The following IMMP2L variants were observed in gnomAD, a reference collection of about 807,000 sequenced individuals.
The protein encoded by IMMP2L is inner mitochondrial membrane peptidase subunit 2.
IMMP2L carries 18 observed loss-of-function variants against 19.3 expected under a neutral mutation model. The ratio of observed to expected loss-of-function variants is 0.93; its 90% confidence interval spans 0.64 to 1.38. The LOEUF (loss-of-function observed/expected upper bound fraction) is 1.38. IMMP2L is among the 40% of genes most tolerant of loss of function. The probability of loss-of-function intolerance (pLI) is 0.00; values close to 1 mark genes in which losing one functional copy is unlikely to be tolerated. For missense variants in IMMP2L, 233 were observed against 218.2 expected (o/e 1.07, Z -0.43); for synonymous variants, 76 against 73.0 (o/e 1.04, Z -0.21).
intron 5 of IMMP2L, among the ~76,000 whole-genome samples, chr7:110,883,269 C>T (rs902056788): frequency 6.6e-6 from 1 of 151,948 alleles, no homozygotes; most frequent in Non-Finnish European, 1.5e-5. Flanking sequence ...ATTCATTTTC[C>T]ACAGTTGTCT....
Position 110,757,958 on chromosome 7 carries a change from G to A in IMMP2L, c.409-94237C>T, listed in dbSNP as rs1421716105. ...TGGGATTGGGAATTCTTGGGTAGAA[G>A]TAGGAGTGATGTAGTAAATGAGTTC... On this transcript the variant is annotated intron_variant, in intron 5 of 5. Coordinates refer to ENST00000405709, the MANE Select transcript of IMMP2L (RefSeq NM_032549.4). The surrounding 1 kb of genome is among the most constrained non-coding windows in gnomAD (Gnocchi z 4.2). 6.6e-6 allele frequency among the ~76,000 whole-genome samples: 1 copy of A among 152,058 alleles called. No homozygotes were observed. The highest frequency in any genetic ancestry group is 1.5e-5 in the Non-Finnish European group (1 of 67,974).
At chr7:111,206,923 A>G (rs1810772659) in intron 3 of IMMP2L, among the ~76,000 whole-genome samples, 1 of 152,174 alleles carries the variant, frequency 6.6e-6, no homozygotes, top group Non-Finnish European at 1.5e-5. Flanking sequence ...CCCAGCATAC[A>G]TTTCAAATAA....
At chr7:111,410,616 A>G (rs1432597013) in intron 3 of IMMP2L, among the ~76,000 whole-genome samples, 2 of 151,780 alleles carry the variant, frequency 1.3e-5, no homozygotes, top group Non-Finnish European at 2.9e-5. Context: ...ATTAACAAAG[A>G]TAACAAAATT....
intron 5 of IMMP2L, among the ~76,000 whole-genome samples, chr7:110,828,968 G>A (rs569034242): frequency 6.6e-6 from 1 of 152,264 alleles, no homozygotes; most frequent in Admixed American, 6.5e-5. Flanking sequence ...GTAGCATCTT[G>A]AGTCTGTAAA....
intron 5 of IMMP2L, among the ~76,000 whole-genome samples, chr7:110,767,140 T>C (rs978459959): frequency 6.6e-6 from 1 of 152,176 alleles, no homozygotes; most frequent in Non-Finnish European, 1.5e-5. Context: ...CAGTCTGTCA[T>C]ATAATTTATT....
chr7:110,789,248 C>T (rs996522151), intron 5 of IMMP2L, among the ~76,000 whole-genome samples: 14 of 151,718 alleles, frequency 9.2e-5, no homozygotes, highest in Non-Finnish European at 1.5e-5. Context: ...CTGCTGTGTC[C>T]CATTTGAATT....
intron 3 of IMMP2L, among the ~76,000 whole-genome samples, chr7:111,003,892 C>T (rs1823999527): frequency 6.6e-6 from 1 of 152,170 alleles, no homozygotes; most frequent in South Asian, 2.1e-4. Flanking sequence ...TAGGATATTT[C>T]ACTTAAAACA....
At chr7:111,368,593 C>T (rs1057256412) in intron 3 of IMMP2L, among the ~76,000 whole-genome samples, 21 of 151,958 alleles carry the variant, frequency 1.4e-4, no homozygotes, top group African/African-American at 4.6e-4. Flanking sequence ...TCAAGCATAA[C>T]TCTTTAGTCT....
intron 5 of IMMP2L, among the ~76,000 whole-genome samples, chr7:110,705,632 G>A (rs1794614372): frequency 6.6e-6 from 1 of 151,802 alleles, no homozygotes; most frequent in Non-Finnish European, 1.5e-5. Flanking sequence ...TTCTTACATG[G>A]GTGTATTGCA....
intron 3 of IMMP2L, among the ~76,000 whole-genome samples, chr7:111,214,832 A>C (rs1457197569): frequency 6.6e-6 from 1 of 152,102 alleles, no homozygotes; most frequent in Admixed American, 6.5e-5. Flanking sequence ...GAACATTCAA[A>C]ATACAGCCAC....
chr7:111,502,421 A>C (rs1019708213), intron 2 of IMMP2L, among the ~76,000 whole-genome samples: 6 of 152,130 alleles, frequency 3.9e-5, no homozygotes, highest in Admixed American at 1.3e-4. Flanking sequence ...CGAGACAGAA[A>C]GTTAACAAGG....
chr7:110,839,960 T>C (rs944806426), intron 5 of IMMP2L, among the ~76,000 whole-genome samples: 3 of 152,010 alleles, frequency 2.0e-5, no homozygotes, highest in African/African-American at 4.8e-5. Context: ...CCTGGATGAG[T>C]CTTTGATGGG....
At chr7:111,512,237 A>G (rs746314477) in intron 2 of IMMP2L, among the ~76,000 whole-genome samples, 31 of 152,258 alleles carry the variant, frequency 2.0e-4, no homozygotes, top group Non-Finnish European at 3.7e-4. Context: ...ACATGGCTAA[A>G]CCTCAAAAAA....
At chr7:110,746,080 A>G (rs1797322288) in intron 5 of IMMP2L, among the ~76,000 whole-genome samples, 1 of 152,166 alleles carries the variant, frequency 6.6e-6, no homozygotes, top group Non-Finnish European at 1.5e-5. Flanking sequence ...ATGGAAAGAA[A>G]GAAAAAAAAA....
At chr7:111,178,275 T>C (rs1807302183) in intron 3 of IMMP2L, among the ~76,000 whole-genome samples, 1 of 152,090 alleles carries the variant, frequency 6.6e-6, no homozygotes, top group African/African-American at 2.4e-5. Flanking sequence ...TCTAACAAAG[T>C]ATATAGCTTA....
chr7:111,324,248 C>G (rs1825069888), intron 3 of IMMP2L, among the ~76,000 whole-genome samples: 1 of 151,334 alleles, frequency 6.6e-6, no homozygotes. Flanking sequence ...CCCAAAAACA[C>G]AAAGTGAAAA....
At chr7:111,445,564 C>A (rs1838266762) in intron 3 of IMMP2L, among the ~76,000 whole-genome samples, 1 of 152,120 alleles carries the variant, frequency 6.6e-6, no homozygotes, top group Non-Finnish European at 1.5e-5. Flanking sequence ...AATTAGAATT[C>A]AAGCACGTTC....
intron 3 of IMMP2L, among the ~76,000 whole-genome samples, chr7:111,036,087 A>T (rs1791319453): frequency 6.6e-6 from 1 of 152,176 alleles, no homozygotes; most frequent in South Asian, 2.1e-4. Context: ...TGCTCATATT[A>T]TTCCTTCTTT....
intron 3 of IMMP2L, among the ~76,000 whole-genome samples, chr7:111,327,825 A>C (rs1193925374): frequency 6.6e-6 from 1 of 151,646 alleles, no homozygotes; most frequent in Non-Finnish European, 1.5e-5. Context: ...AACATAGTGT[A>C]CATAATACAA....
Sources: gnomAD v4.1 joint callset for allele counts (sites outside exome capture counted in the v4.1 genomes callset) on GRCh38, gnomAD v4.1.1 for gene constraint, Gnocchi (gnomAD v3.1) non-coding constraint, MANE v1.5 for transcripts, NCBI Gene and HGNC (gene_info 2026-07-23, HGNC 2026-07-21) for gene names.